PCDH15: variants seen among roughly 807,000 people sequenced by gnomAD.
PCDH15 encodes the protein protocadherin-15.
In PCDH15, 129 loss-of-function variants were observed where a neutral mutation model predicts 178.5. The ratio of observed to expected loss-of-function variants is 0.72; its 90% confidence interval spans 0.63 to 0.84. PCDH15 has a LOEUF of 0.84. PCDH15 is among the 40% of genes least tolerant of loss of function. PCDH15 has a pLI of 0.00. For missense variants in PCDH15, 2,230 were observed against 2,099.9 expected, an observed-to-expected ratio of 1.06 and a Z score of -1.21; for synonymous variants, 800 against 732.0, an observed-to-expected ratio of 1.09 and a Z score of -1.50.
At chr10:54,808,755 A>G (rs1952816553) in intron 3 of PCDH15, among the ~76,000 whole-genome samples, 2 of 152,210 alleles carry the variant, frequency 1.3e-5, no homozygotes, top group Admixed American at 6.5e-5. Flanking sequence ...ACCATGTCAC[A>G]TATTTTGGAA....
Position 54,301,815 on chromosome 10 carries a change from A to G in PCDH15, c.876+15456T>C, listed in dbSNP as rs528382988. Among the ~76,000 whole-genome samples, 12 of 152,342 alleles carry G rather than the reference A, an allele frequency of 7.9e-5. No homozygotes were observed. In the East Asian group the frequency reaches 1.2e-3, roughly 15 times the overall value. On this transcript the variant is annotated intron_variant, in intron 8 of 37. Coordinates refer to ENST00000644397, the MANE Select transcript of PCDH15 (RefSeq NM_001384140.1). ...TGAGAGGGGAGAATTCATTGCCTCA[A>G]TGGTTACACATGTAACACTTCATAG...
At chr10:55,026,263 T>C (rs1377523625) in intron 2 of PCDH15, among the ~76,000 whole-genome samples, 2 of 152,038 alleles carry the variant, frequency 1.3e-5, no homozygotes, top group African/African-American at 4.8e-5. Context: ...AATTATTCTA[T>C]GATAATGACA....
intron 1 of PCDH15, among the ~76,000 whole-genome samples, chr10:54,748,457 C>T (rs1945762623): frequency 6.6e-6 from 1 of 152,088 alleles, no homozygotes; most frequent in African/African-American, 2.4e-5. Context: ...GAGTATTTAA[C>T]AAGAATCTGT....
intron 18 of PCDH15, among the ~76,000 whole-genome samples, chr10:54,063,576 A>T (rs2094075310): frequency 6.6e-6 from 1 of 152,102 alleles, no homozygotes; most frequent in South Asian, 2.1e-4. Context: ...TTGCTTTTCC[A>T]GCCAGAAACC....
chr10:55,561,402 A>C (rs1842196272), intron 2 of PCDH15, among the ~76,000 whole-genome samples: 1 of 151,918 alleles, frequency 6.6e-6, no homozygotes, highest in African/African-American at 2.4e-5. Context: ...ATTAGCTGGA[A>C]TAGCTAGAAT....
chr10:54,833,412 T>A (rs1202216608), intron 3 of PCDH15, among the ~76,000 whole-genome samples: 1 of 152,180 alleles, frequency 6.6e-6, no homozygotes, highest in Non-Finnish European at 1.5e-5. Context: ...AGTGGGTGGA[T>A]CACCCTCCAT....
intron 2 of PCDH15, among the ~76,000 whole-genome samples, chr10:54,578,407 T>G (rs1435477822): frequency 6.6e-6 from 1 of 152,116 alleles, no homozygotes; most frequent in African/African-American, 2.4e-5. Context: ...TATAAATTAA[T>G]TCTTTCAGAA....
At chr10:54,323,152 A>C (rs1242681130) in intron 7 of PCDH15, among the ~76,000 whole-genome samples, 1 of 152,104 alleles carries the variant, frequency 6.6e-6, no homozygotes, top group Non-Finnish European at 1.5e-5. Context: ...GCAAATCAAA[A>C]CCATAATGAG....
intron 2 of PCDH15, among the ~76,000 whole-genome samples, chr10:55,125,352 T>C (rs559712036): frequency 9.2e-5 from 14 of 152,136 alleles, no homozygotes; most frequent in Non-Finnish European, 1.9e-4. Flanking sequence ...GCATTAACTT[T>C]AGGGACACAC....
chr10:54,686,921 C>T (rs2095022808), intron 1 of PCDH15, among the ~76,000 whole-genome samples: 1 of 148,170 alleles, frequency 6.7e-6, no homozygotes, highest in African/African-American at 2.4e-5. Context: ...TTTGAAACTC[C>T]TGTAACTCAA....
intron 23 of PCDH15, among the ~76,000 whole-genome samples, chr10:53,959,454 A>G (rs1262337363): frequency 6.6e-6 from 1 of 152,080 alleles, no homozygotes; most frequent in Non-Finnish European, 1.5e-5. Flanking sequence ...ATCATTAATT[A>G]GAATTGAAAC....
At chr10:55,589,737 G>T (rs1374572469) in intron 2 of PCDH15, among the ~76,000 whole-genome samples, 82 of 149,960 alleles carry the variant, frequency 5.5e-4, no homozygotes, top group Non-Finnish European at 9.4e-4. Context: ...GGCCATCAGA[G>T]AAATGCAAAT....
chr10:55,205,087 A>C (rs1840359414), intron 1 of PCDH15, among the ~76,000 whole-genome samples: 1 of 152,096 alleles, frequency 6.6e-6, no homozygotes, highest in Admixed American at 6.5e-5. Flanking sequence ...AAGCAAGCCA[A>C]CTATTTATAT....
At chr10:54,480,993 A>C (rs1419392957) in intron 3 of PCDH15, among the ~76,000 whole-genome samples, 3 of 151,902 alleles carry the variant, frequency 2.0e-5, no homozygotes, top group African/African-American at 7.2e-5. Context: ...TTGGAGACTA[A>C]CATTCCTTGC....
At chr10:55,338,088 A>G (rs945731930) in intron 2 of PCDH15, among the ~76,000 whole-genome samples, 2 of 152,208 alleles carry the variant, frequency 1.3e-5, no homozygotes, top group African/African-American at 4.8e-5. Flanking sequence ...AGAAATGCAA[A>G]TCAGATTACA....
intron 3 of PCDH15, among the ~76,000 whole-genome samples, chr10:54,869,519 T>C (rs1236002508): frequency 1.3e-5 from 2 of 152,216 alleles, no homozygotes; most frequent in African/African-American, 2.4e-5. Flanking sequence ...GTTAACACTC[T>C]GAAATTTAAA....
chr10:54,361,203 T>C (rs1282723807), intron 5 of PCDH15, among the ~76,000 whole-genome samples: 3 of 152,110 alleles, frequency 2.0e-5, no homozygotes, highest in African/African-American at 4.8e-5. Context: ...TCCATGAATA[T>C]TGTATTTCCA....
intron 2 of PCDH15, among the ~76,000 whole-genome samples, chr10:55,341,769 A>G (rs1844565649): frequency 8.3e-5 from 1 of 12,000 alleles, no homozygotes; most frequent in African/African-American, 3.1e-4. Flanking sequence ...ATGCATATAT[A>G]TATATATATA....
At chr10:53,924,522 G>A (rs1223422545) in intron 25 of PCDH15, among the ~76,000 whole-genome samples, 3 of 152,206 alleles carry the variant, frequency 2.0e-5, no homozygotes, top group Non-Finnish European at 2.9e-5. Context: ...CCTGCTCTGT[G>A]GCACCTGGTC....
Sources: gnomAD v4.1 joint callset for allele counts (sites outside exome capture counted in the v4.1 genomes callset) on GRCh38, gnomAD v4.1.1 for gene constraint, MANE v1.5 for transcripts, NCBI Gene and HGNC (gene_info 2026-07-23, HGNC 2026-07-21) for gene names.